Variants in IFT172 observed in about 807,000 individuals in gnomAD.
The protein encoded by IFT172 is intraflagellar transport 172.
Under a neutral mutation model 248.9 loss-of-function variants are expected in IFT172, and 164 were observed. That is an observed-to-expected ratio of 0.66 (90% CI 0.58 to 0.75). IFT172 has a LOEUF of 0.75. Ranked by LOEUF, IFT172 falls within the 30% of genes least tolerant of loss-of-function variation. IFT172 has a pLI of 0.00. For missense variants in IFT172, 1,950 were observed against 2,192.4 expected, an observed-to-expected ratio of 0.89 and a Z score of 2.21; for synonymous variants, 729 against 791.6, an observed-to-expected ratio of 0.92 and a Z score of 1.33.
chr2:27,472,889 A>G (rs1667677387), intron 14 of IFT172, among the ~76,000 whole-genome samples: 4 of 152,182 alleles, frequency 2.6e-5, no homozygotes, highest in Non-Finnish European at 4.4e-5. Context: ...GAGCAGACCA[A>G]TTAGGGTTGG....
chr2:27,456,491 G>A lies in IFT172; in HGVS notation c.3371+20C>T. 1.9e-6 allele frequency: 3 copies of A among 1,606,170 alleles called. No individual in the cohort carries two copies. Among genetic ancestry groups the A allele is most frequent in the Non-Finnish European group, 2.5e-6 (3 of 1,176,952 alleles). Reference sequence around the variant, plus strand: ...CTCTGGCTGGGATGGGGCCCGTGGAGAGAAAGCTTGGGGCCTCACCAATTG... The same window carrying A: ...CTCTGGCTGGGATGGGGCCCGTGGAAAGAAAGCTTGGGGCCTCACCAATTG... On this transcript the variant is annotated intron_variant, in intron 30 of 47. Transcript: ENST00000260570.
intron 14 of IFT172, among the ~76,000 whole-genome samples, chr2:27,474,316 C>T (rs1387081832): frequency 6.6e-6 from 1 of 152,026 alleles, no homozygotes; most frequent in East Asian, 1.9e-4. Context: ...AGAATGGACT[C>T]ATGTATATGG....
At chr2:27,468,033 G>A (rs1039256330) in intron 16 of IFT172, among the ~76,000 whole-genome samples, 1 of 151,726 alleles carries the variant, frequency 6.6e-6, no homozygotes, top group African/African-American at 2.4e-5. Flanking sequence ...GGTGGCATGC[G>A]CCTGCAGTTC....
At chr2:27,446,087 G>A (rs1665066623) in intron 43 of IFT172, 99 bp from the exon 44 acceptor site, 1 of 1,477,946 alleles carries the variant, frequency 6.8e-7, no homozygotes, top group South Asian at 1.1e-5. Context: ...AGCTGGGCTT[G>A]AATGCTATTT....
At chr2:27,446,122 C>T in intron 43 of IFT172, 134 bp from the exon 44 acceptor site, 8 of 1,376,510 alleles carry the variant, frequency 5.8e-6, no homozygotes, top group Non-Finnish European at 7.2e-6. Flanking sequence ...GAGAAAAATC[C>T]AGGAAGACAT....
chr2:27,483,001 C>CTTTT (rs10651081), intron 7 of IFT172, among the ~76,000 whole-genome samples: 10 of 123,766 alleles, frequency 8.1e-5, no homozygotes, highest in African/African-American at 1.2e-4. Context: ...TCCACAGCAT[C>CTTTT]TTTTTTTTTT....
chr2:27,474,740 C>T (rs1427975076), intron 14 of IFT172, among the ~76,000 whole-genome samples: 4 of 151,760 alleles, frequency 2.6e-5, no homozygotes, highest in Admixed American at 6.6e-5. Flanking sequence ...TTGGTAGAGA[C>T]GGGGTTTCAC....
chr2:27,465,459 G>T lies in IFT172; in HGVS notation c.1889C>A (p.Thr630Asn). ...MTPETEAMWK[T>N]LSKLALEARQ... Reference sequence around the variant, plus strand: ...TGCCTCTAGTGCCAGTTTACTCAAGGTTTTCCACATTGCCTCTGTTTCTGG... The same window carrying T: ...TGCCTCTAGTGCCAGTTTACTCAAGTTTTTCCACATTGCCTCTGTTTCTGG... The change falls in exon 18 of 48, where the codon ACC (threonine) becomes AAC (asparagine). Residue 630 changes from threonine (T) to asparagine (N), a missense_variant. Thr to Asn is a moderately conservative substitution (Grantham distance 65). Coordinates refer to ENST00000260570, the MANE Select transcript of IFT172 (RefSeq NM_015662.3). 3 of 1,614,108 alleles carry T rather than the reference G, an allele frequency of 1.9e-6. No homozygotes were observed. Among genetic ancestry groups the T allele is most frequent in the Non-Finnish European group, 2.5e-6 (3 of 1,180,012 alleles).
chr2:27,482,124 G>A (rs1359818855), intron 7 of IFT172, among the ~76,000 whole-genome samples: 2 of 147,804 alleles, frequency 1.4e-5, no homozygotes, highest in Non-Finnish European at 3.0e-5. Flanking sequence ...CTGGGATTCC[G>A]GGCACGTTCC....
chr2:27,453,636 C>T lies in IFT172; in HGVS notation c.3815G>A (p.Gly1272Glu). The change falls in exon 34 of 48, where the codon GGG becomes GAG. Residue 1272 changes from glycine (G) to glutamate (E), a missense_variant. Gly to Glu is a moderately conservative substitution (Grantham distance 98). Coordinates refer to ENST00000260570, the MANE Select transcript of IFT172 (RefSeq NM_015662.3). ...TGGACCTCTGGCCTCATACCTGGCC[C>T]CCTTCTTAGTAGCTTCCCGCTCATA... ...EEYEREATKKGARGVEGFVEQ... is the reference protein window; with the variant it reads ...EEYEREATKKEARGVEGFVEQ... 6.2e-7 allele frequency: 1 copy of T among 1,611,486 alleles called. No individual in the cohort carries two copies. The highest frequency in any genetic ancestry group is 8.5e-7 in the Non-Finnish European group (1 of 1,178,562).
intron 1 of IFT172, chr2:27,486,270 T>C (rs1480170896): frequency 1.2e-5 from 2 of 166,992 alleles, no homozygotes; most frequent in East Asian, 3.8e-4. Context: ...GGAGAGACAG[T>C]GAGAGTTCAG....
At chr2:27,474,105 G>A (rs1480130984) in intron 14 of IFT172, among the ~76,000 whole-genome samples, 1 of 152,172 alleles carries the variant, frequency 6.6e-6, no homozygotes, top group Admixed American at 6.5e-5. Flanking sequence ...ACCGTACCCG[G>A]CCTTGAACTC....
rs761705947 is a variant in IFT172 at position 27,445,474 on chromosome 2, T to G, written c.4915-25A>C. Reference sequence around the variant, plus strand: ...CCTGGAAAGGACAAGAAGGGAGTGGTAGCTTCACACAGGGCAGGGCAGGAC... The same window carrying G: ...CCTGGAAAGGACAAGAAGGGAGTGGGAGCTTCACACAGGGCAGGGCAGGAC... On this transcript the variant is annotated intron_variant, in intron 45 of 47. Coordinates refer to ENST00000260570, the MANE Select transcript of IFT172 (RefSeq NM_015662.3). This position sits in a 1 kb window ranked among gnomAD's most constrained non-coding sequence, Gnocchi z 4.4. 10 of 1,602,752 alleles carry G rather than the reference T, an allele frequency of 6.2e-6. No homozygotes were observed. The South Asian group carries it at 1.0e-4, about 16-fold the overall frequency.
chr2:27,461,975 G>T, intron 20 of IFT172, 139 bp from the exon 21 acceptor site: 1 of 785,098 alleles, frequency 1.3e-6, no homozygotes. Context: ...AGAAATACTG[G>T]GAAACTAAAA....
At position 27,485,139 on chromosome 2, in the gene IFT172, T is replaced by C. The variant is rs1243282230; in HGVS notation, c.184-9A>G. 14 of 1,534,110 alleles carry C rather than the reference T, an allele frequency of 9.1e-6. No homozygotes were observed. Among genetic ancestry groups the C allele is most frequent in the Non-Finnish European group, 1.2e-5 (14 of 1,126,266 alleles). ...TAGCTCTTCCTGCCATACTAAGAGT[T>C]TAAAAAAAAAAAAAGAAAGAAAAAG... On this transcript the variant is annotated splice_polypyrimidine_tract_variant and intron_variant, in intron 2 of 47. Transcript: ENST00000260570.
chr2:27,457,535 A>G, intron 29 of IFT172, 104 bp downstream of exon 29: 1 of 972,588 alleles, frequency 1.0e-6, no homozygotes, highest in East Asian at 2.4e-5. Context: ...TAATTGCACC[A>G]CTGCACTCCA....
chr2:27,460,983 A>G (rs748594862), intron 23 of IFT172, 32 bp downstream of exon 23: 1 of 1,613,966 alleles, frequency 6.2e-7, no homozygotes, highest in Non-Finnish European at 8.5e-7. Context: ...AGAGTCCACA[A>G]CAGTAAAGGA....
rs371011000 is a variant in IFT172 at position 27,472,252 on chromosome 2, G to C, written c.1522C>G (p.Arg508Gly). 6.2e-7 allele frequency: 1 copy of C among 1,612,516 alleles called. No homozygotes were observed. The highest frequency in any genetic ancestry group is 8.5e-7 in the Non-Finnish European group (1 of 1,178,612). Reference sequence around the variant, plus strand: ...AAGGCCTTAGTAGCTCTTCTCACACGAAGTTTCCGGTCCCTGAAGAGGAGC... The same window carrying C: ...AAGGCCTTAGTAGCTCTTCTCACACCAAGTTTCCGGTCCCTGAAGAGGAGC... ...HKLLFRDRKL[R>G]LHLYDIESCS... The change falls in exon 15 of 48, where the codon CGT becomes GGT. Residue 508 changes from arginine to glycine, a missense_variant and splice_region_variant. Transcript: ENST00000260570.
intron 39 of IFT172, 73 bp from the exon 40 acceptor site, chr2:27,449,104 C>T: frequency 3.6e-6 from 4 of 1,102,520 alleles, no homozygotes; most frequent in Non-Finnish European, 5.6e-6. Context: ...GACTTGAGGC[C>T]ATGTATTTGT....
Sources: gnomAD v4.1 joint callset for allele counts (sites outside exome capture counted in the v4.1 genomes callset) on GRCh38, gnomAD v4.1.1 for gene constraint, Gnocchi (gnomAD v3.1) non-coding constraint, MANE v1.5 for transcripts, NCBI Gene and HGNC (gene_info 2026-07-23, HGNC 2026-07-21) for gene names.